The following LAMA5 variants were observed in gnomAD, a reference collection of about 807,000 sequenced individuals.
LAMA5 encodes laminin subunit alpha 5, also known as laminin subunit alpha-5.
LAMA5 carries 260 observed loss-of-function variants against 433.4 expected under a neutral mutation model. The ratio of observed to expected loss-of-function variants is 0.60; its 90% confidence interval spans 0.54 to 0.66. LAMA5 has a LOEUF of 0.66. Ranked by LOEUF, LAMA5 falls within the 30% of genes least tolerant of loss-of-function variation. The probability of loss-of-function intolerance (pLI) is 0.00; values close to 1 mark genes in which losing one functional copy is unlikely to be tolerated. For missense variants in LAMA5, 5,378 were observed against 5,258.5 expected, an observed-to-expected ratio of 1.02 and a Z score of -0.70; for synonymous variants, 2,620 against 2,226.6, an observed-to-expected ratio of 1.18 and a Z score of -4.97.
chr20:62,318,772 C>T, intron 52 of LAMA5, 71 bp downstream of exon 52: 1 of 1,578,748 alleles, frequency 6.3e-7, no homozygotes, highest in South Asian at 1.1e-5. Context: ...CCACTCCATG[C>T]TGACCTCCCC....
At chr20:62,319,117 C>T in intron 51 of LAMA5, 104 bp from the exon 52 acceptor site, 1 of 1,283,562 alleles carries the variant, frequency 7.8e-7, no homozygotes, top group East Asian at 2.6e-5. Context: ...CTTGGCAGGC[C>T]AGGGGCCCGG....
At chr20:62,358,750 C>A (rs542660351) in intron 2 of LAMA5, among the ~76,000 whole-genome samples, 1 of 152,294 alleles carries the variant, frequency 6.6e-6, no homozygotes, top group South Asian at 2.1e-4. Flanking sequence ...CCACACTGGC[C>A]CTGACCCTCT....
At chr20:62,322,528 A>C in intron 46 of LAMA5, 79 bp from the exon 47 acceptor site, 1 of 1,472,642 alleles carries the variant, frequency 6.8e-7, no homozygotes, top group Non-Finnish European at 9.2e-7. Flanking sequence ...GGTCCTGCCC[A>C]TCTGGCCCCA....
Position 62,324,678 on chromosome 20 carries a change from G to C in LAMA5, c.5530-124C>G. The C allele has an allele frequency of 1.5e-6, 1 of 676,048 alleles. No individual in the cohort carries two copies. The highest frequency in any genetic ancestry group is 2.7e-6 in the Non-Finnish European group (1 of 372,314). The allele number at this position is 676,048 out of a possible 1,614,324, so 41.9% of individuals were successfully genotyped here. On this transcript the variant is annotated intron_variant, in intron 41 of 79. Transcript: ENST00000252999. The surrounding 1 kb of genome is among the most constrained non-coding windows in gnomAD (Gnocchi z 4.4). ...GAGGCACTGGGAACCCGTGGAGCAT[G>C]GTCACCGCTGGGTCAGAGGCTGGTC...
In LAMA5 at chr20:62,323,439, C is replaced by G. The variant is rs775460830; in HGVS notation, c.6064+17G>C. On this transcript the variant is annotated intron_variant, in intron 45 of 79. Coordinates refer to ENST00000252999, the MANE Select transcript of LAMA5 (RefSeq NM_005560.6). ...GCAACCCTCCCCAGGGTGCATCCCT[C>G]CCAGCCCGACGCCTACGGGTGCAGT... The G allele has an allele frequency of 6.5e-7, 1 of 1,527,372 alleles. No homozygotes were observed. Among genetic ancestry groups the G allele is most frequent in the Non-Finnish European group, 8.8e-7 (1 of 1,138,588 alleles). 94.6% of individuals were successfully genotyped at this position (1,527,372 alleles called of 1,614,324 possible). A position where few individuals can be genotyped will look rare whatever the true frequency, so the allele number is the denominator to read the frequency against.
At chr20:62,363,555 GA>G (rs1479181564) in intron 1 of LAMA5, among the ~76,000 whole-genome samples, 2 of 152,130 alleles carry the variant, frequency 1.3e-5, no homozygotes, top group Non-Finnish European at 2.9e-5. Flanking sequence ...CAGGGATGAG[GA>G]GAGGGGGCAG....
intron 32 of LAMA5, among the ~76,000 whole-genome samples, chr20:62,329,496 C>G (rs894474740): frequency 6.6e-6 from 1 of 152,202 alleles, no homozygotes; most frequent in African/African-American, 2.4e-5. Flanking sequence ...TCCCACATCT[C>G]TGTCTGCTGG....
chr20:62,344,350 T>C (rs977397261), intron 11 of LAMA5, among the ~76,000 whole-genome samples: 2 of 152,060 alleles, frequency 1.3e-5, no homozygotes, highest in Non-Finnish European at 2.9e-5. Context: ...TGAGAATATT[T>C]TTTGTCTATC....
At chr20:62,354,550 C>T (rs1984876346) in intron 2 of LAMA5, among the ~76,000 whole-genome samples, 1 of 152,184 alleles carries the variant, frequency 6.6e-6, no homozygotes, top group Non-Finnish European at 1.5e-5. Flanking sequence ...ACCCAGGCCA[C>T]AGGCCCCCTC....
In LAMA5 at chr20:62,317,426, G is replaced by A. The variant is rs374446876; in HGVS notation, c.7430C>T (p.Pro2477Leu). ...PLLQRMQTFSPAGSKLRLVEA... is the reference protein window; with the variant it reads ...PLLQRMQTFSLAGSKLRLVEA... ...CACTAGACGCAGCTTGCTGCCCGCC[G>A]GGGAGAAGGTCTGCATCCTCTGCAG... Residue 2477 changes from proline (P) to leucine (L), a missense_variant, in exon 55 of 80, where the codon CCG becomes CTG. Physicochemically the swap from Pro to Leu is moderately conservative, Grantham distance 98. Coordinates refer to ENST00000252999, the MANE Select transcript of LAMA5 (RefSeq NM_005560.6). The A allele has an allele frequency of 8.0e-5, 129 of 1,605,972 alleles. No individual in the cohort carries two copies. In the African/African-American group the frequency reaches 8.8e-4, roughly 11 times the overall value.
rs753220803 is a variant in LAMA5 at position 62,309,143 on chromosome 20, T to G, written c.*193A>C. Reference sequence around the variant, plus strand: ...CAAATCTCTCACAATTAAAAATGGGTGGAAGGGCCAAATATAAAAACATTT... The same window carrying G: ...CAAATCTCTCACAATTAAAAATGGGGGGAAGGGCCAAATATAAAAACATTT... On this transcript the variant is annotated 3_prime_UTR_variant, in exon 80 of 80. Coordinates refer to ENST00000252999, the MANE Select transcript of LAMA5 (RefSeq NM_005560.6). 3 of 640,816 alleles carry G rather than the reference T, an allele frequency of 4.7e-6. No homozygotes were observed. The highest frequency in any genetic ancestry group is 5.1e-6 in the Non-Finnish European group (2 of 394,162). The allele number at this position is 640,816 out of a possible 1,614,324, so 39.7% of individuals were successfully genotyped here.
Position 62,322,365 on chromosome 20 carries a change from G to A in LAMA5, c.6250C>T (p.Gln2084Ter). The A allele has an allele frequency of 6.3e-7, 1 of 1,593,000 alleles. No homozygotes were observed. ...PAAEGSECHP[Q>*]SGQCHCRPGT... ...GGTCGGCAGTGGCACTGTCCGCTCT[G>A]GGGGTGGCACTCGGAGCCCTCGGCG... Residue 2084 changes from glutamine to a stop codon, truncating the protein, a stop_gained, in exon 47 of 80, where the codon CAG becomes TAG. Coordinates refer to ENST00000252999, the MANE Select transcript of LAMA5 (RefSeq NM_005560.6). LOFTEE classifies it high-confidence loss of function.
In LAMA5 at chr20:62,360,869, G is replaced by A. The variant is rs139314937; in HGVS notation, c.450+1531C>T. ...CAGTTCATACATGTGCACCGAGGCC[G>A]AGAGAGCCCCAGAGCCAAGGGGTGG... is the stretch of plus-strand genomic sequence containing the variant. On this transcript the variant is annotated intron_variant, in intron 2 of 79. Coordinates refer to ENST00000252999, the MANE Select transcript of LAMA5 (RefSeq NM_005560.6). Among the ~76,000 whole-genome samples the A allele has an allele frequency of 8.3e-3, 1,267 of 152,194 alleles. 9 individuals are homozygous for A. Among genetic ancestry groups the A allele is most frequent in the Middle Eastern group, 0.017 (5 of 294 alleles).
Position 62,309,368 on chromosome 20 carries a change from C to G in LAMA5, c.11056G>C (p.Ala3686Pro). 1 of 1,590,296 alleles carries G rather than the reference C, an allele frequency of 6.3e-7. No homozygotes were observed. The highest frequency in any genetic ancestry group is 8.5e-7 in the Non-Finnish European group (1 of 1,176,526). Residue 3686 changes from alanine to proline, a missense_variant, in exon 80 of 80, where the codon GCA becomes CCA. Ala to Pro is a conservative substitution (Grantham distance 27). Transcript: ENST00000252999. The stretch of plus-strand genomic sequence containing the variant: ...GCTGGGCAGCCACTGGCCCCCACTG[C>G]CCCGTGGACCTCCACAGAGCGAGTC... Reference protein sequence around the residue: ...AMTRSVEVHGAVGASGCPAA With the variant: ...AMTRSVEVHGPVGASGCPAA
rs4925388 is a variant in LAMA5, at chr20:62,346,840, A to G, written c.1073-40T>C. On this transcript the variant is annotated intron_variant, in intron 7 of 79. Coordinates refer to ENST00000252999, the MANE Select transcript of LAMA5 (RefSeq NM_005560.6). ...GCGCAGCTGTTGGCACGCCCTCCAC[A>G]GGCCCGGGCACCGGGGCCCTCTCAT... is the stretch of plus-strand genomic sequence containing the variant. The G allele has an allele frequency of 0.96, 1,542,079 of 1,608,342 alleles. 743,630 individuals carry two copies. Among genetic ancestry groups the G allele is most frequent in the Non-Finnish European group, 0.98 (1,155,908 of 1,176,356 alleles).
At chr20:62,351,379 A>T (rs1020975963) in intron 6 of LAMA5, 1 of 478,736 alleles carries the variant, frequency 2.1e-6, no homozygotes, top group African/African-American at 1.9e-5. Flanking sequence ...TCCCCTCCAC[A>T]GGGCCCCAGG....
intron 2 of LAMA5, among the ~76,000 whole-genome samples, chr20:62,357,772 C>T (rs983460444): frequency 6.6e-5 from 10 of 152,156 alleles, no homozygotes; most frequent in Non-Finnish European, 1.3e-4. Context: ...CAGGAGTGGG[C>T]GGGGGGACAG....
intron 20 of LAMA5, 132 bp from the exon 21 acceptor site, chr20:62,334,753 C>CAGGGCTCAGGGCGAGGCCG (rs369902633): frequency 1.7e-6 from 1 of 580,798 alleles, no homozygotes; most frequent in Non-Finnish European, 3.1e-6. Context: ...GCTCAGGGCT[C>CAGGGCTCAGGGCGAGGCCG]AGGGCGAGGG....
chr20:62,354,206 C>G (rs772178515), intron 2 of LAMA5, among the ~76,000 whole-genome samples: 2 of 152,098 alleles, frequency 1.3e-5, no homozygotes, highest in East Asian at 1.9e-4. Flanking sequence ...CTCAGAGAAG[C>G]CTTCCCTGAC....
Sources: gnomAD v4.1 joint callset for allele counts (sites outside exome capture counted in the v4.1 genomes callset) on GRCh38, gnomAD v4.1.1 for gene constraint, Gnocchi (gnomAD v3.1) non-coding constraint, MANE v1.5 for transcripts, NCBI Gene and HGNC (gene_info 2026-07-23, HGNC 2026-07-21) for gene names.